Variants in HMGCLL1 observed in about 807,000 individuals in gnomAD.
The protein encoded by HMGCLL1 is 3-hydroxy-3-methylglutaryl-CoA lyase like 1, also known as 3-hydroxymethyl-3-methylglutaryl-CoA lyase, cytoplasmic.
Under a neutral mutation model 39.1 loss-of-function variants are expected in HMGCLL1, and 36 were observed. That is an observed-to-expected ratio of 0.92 (90% CI 0.71 to 1.22). The LOEUF (loss-of-function observed/expected upper bound fraction) is 1.22. Among genes scored for constraint, HMGCLL1 ranks in the 50% most tolerant of loss-of-function variants. The pLI, the probability that HMGCLL1 is intolerant of heterozygous loss-of-function variation, is 0.00. For missense variants in HMGCLL1, 451 were observed against 416.5 expected (o/e 1.08, Z -0.72); for synonymous variants, 149 against 144.0 (o/e 1.03, Z -0.25).
intron 1 of HMGCLL1, among the ~76,000 whole-genome samples, chr6:55,549,077 C>T (rs987355888): frequency 6.6e-6 from 1 of 151,412 alleles, no homozygotes; most frequent in Non-Finnish European, 1.5e-5. Context: ...TTCTTGTATT[C>T]ATGGCAATTT....
the HMGCLL1 span, among the ~76,000 whole-genome samples, chr6:55,634,819 A>T: frequency 6.6e-6 from 1 of 152,088 alleles, no homozygotes; most frequent in South Asian, 2.1e-4. Context: ...TCACTATTTA[A>T]TTGGGCCTTT....
At chr6:55,578,156 A>C (rs1486231367) in intron 1 of HMGCLL1, among the ~76,000 whole-genome samples, 1 of 152,226 alleles carries the variant, frequency 6.6e-6, no homozygotes, top group African/African-American at 2.4e-5. Flanking sequence ...CCTGTAATTT[A>C]ACAAGAAGTC....
At chr6:55,634,566 A>G in the HMGCLL1 span, among the ~76,000 whole-genome samples, 1 of 152,144 alleles carries the variant, frequency 6.6e-6, no homozygotes, top group Admixed American at 6.6e-5. Context: ...TTTCTTCCCA[A>G]CATTCCTGCA....
chr6:55,543,481 T>TATATCATATATC lies in HMGCLL1; in HGVS notation c.109-1342_109-1341insGATATATGATAT, dbSNP rs1561951663. On this transcript the variant is annotated intron_variant, in intron 1 of 8. Coordinates refer to ENST00000274901, the MANE Select transcript of HMGCLL1 (RefSeq NM_001042406.2). Reference sequence around the variant, plus strand: ...TATATCATATATATCATATATAATATATATATGATATATATCATATATATC... The same window carrying TATATCATATATC: ...TATATCATATATATCATATATAATATATATCATATATCATATATGATATATATCATATATATC... Among the ~76,000 whole-genome samples the TATATCATATATC allele has an allele frequency of 2.5e-3, 31 of 12,236 alleles. 2 individuals are homozygous for TATATCATATATC. Among genetic ancestry groups the TATATCATATATC allele is most frequent in the African/African-American group, 6.0e-3 (31 of 5,152 alleles). The allele number at this position is 12,236 out of a possible 152,430, so 8.0% of individuals were successfully genotyped here.
chr6:55,530,072 G>A (rs1768567040), intron 3 of HMGCLL1, among the ~76,000 whole-genome samples: 1 of 90,032 alleles, frequency 1.1e-5, no homozygotes, highest in East Asian at 3.0e-4. Flanking sequence ...CTGGTGGGGG[G>A]TTGGGGGGCG....
At chr6:55,642,358 G>T in the HMGCLL1 span, among the ~76,000 whole-genome samples, 19 of 151,540 alleles carry the variant, frequency 1.3e-4, no homozygotes, top group Non-Finnish European at 2.5e-4. Flanking sequence ...GAATAATGCC[G>T]CACTTAATCA....
intron 7 of HMGCLL1, among the ~76,000 whole-genome samples, chr6:55,453,993 C>T (rs1435342507): frequency 1.3e-5 from 2 of 152,162 alleles, no homozygotes; most frequent in East Asian, 3.9e-4. Context: ...ACATAGAAAA[C>T]TGGCTATTTA....
chr6:55,551,600 C>G (rs775874819), intron 1 of HMGCLL1, among the ~76,000 whole-genome samples: 3 of 151,914 alleles, frequency 2.0e-5, no homozygotes, highest in Non-Finnish European at 2.9e-5. Flanking sequence ...TTATTACCAT[C>G]CTCAAGAATC....
chr6:55,554,278 T>A (rs1770527021), intron 1 of HMGCLL1, among the ~76,000 whole-genome samples: 1 of 152,188 alleles, frequency 6.6e-6, no homozygotes, highest in African/African-American at 2.4e-5. Flanking sequence ...CAAGCTAGGC[T>A]TTAATTTCTT....
the HMGCLL1 span, among the ~76,000 whole-genome samples, chr6:55,600,526 G>C: frequency 6.6e-6 from 1 of 151,928 alleles, no homozygotes; most frequent in Non-Finnish European, 1.5e-5. Flanking sequence ...TCTTATATAT[G>C]GATGCTAGTA....
intron 1 of HMGCLL1, among the ~76,000 whole-genome samples, chr6:55,552,672 C>A (rs974243832): frequency 6.6e-6 from 1 of 151,886 alleles, no homozygotes; most frequent in Non-Finnish European, 1.5e-5. Flanking sequence ...ACTGAGTGGA[C>A]ATTTAATGTG....
At chr6:55,597,854 G>A in the HMGCLL1 span, among the ~76,000 whole-genome samples, 1 of 152,210 alleles carries the variant, frequency 6.6e-6, no homozygotes, top group East Asian at 1.9e-4. Context: ...TATTAGCTTG[G>A]TAAGACAAAG....
chr6:55,476,223 CT>C (rs1765278670), intron 7 of HMGCLL1, among the ~76,000 whole-genome samples: 1 of 151,400 alleles, frequency 6.6e-6, no homozygotes, highest in Admixed American at 6.6e-5. Context: ...TCTCTGTTTA[CT>C]TTTATTTATA....
chr6:55,536,990 A>T (rs1254280179), intron 3 of HMGCLL1, among the ~76,000 whole-genome samples: 5 of 152,214 alleles, frequency 3.3e-5, no homozygotes, highest in Admixed American at 2.0e-4. Flanking sequence ...ATCCACACAC[A>T]TTGTCCTTAA....
At chr6:55,519,381 C>T (rs894259045) in intron 3 of HMGCLL1, among the ~76,000 whole-genome samples, 32 of 152,182 alleles carry the variant, frequency 2.1e-4, no homozygotes, top group African/African-American at 7.7e-4. Context: ...CAGAGGAGCA[C>T]TTTACTCAAA....
At chr6:55,476,083 T>A (rs887635712) in intron 7 of HMGCLL1, among the ~76,000 whole-genome samples, 1 of 151,682 alleles carries the variant, frequency 6.6e-6, no homozygotes, top group African/African-American at 2.4e-5. Flanking sequence ...CATTCTCACA[T>A]CAATTTTAGA....
intron 7 of HMGCLL1, among the ~76,000 whole-genome samples, chr6:55,486,247 A>T (rs2127416943): frequency 6.6e-6 from 1 of 152,082 alleles, no homozygotes; most frequent in South Asian, 2.1e-4. Flanking sequence ...ATATTTAAAA[A>T]ATAATTTTTT....
chr6:55,515,656 T>G (rs1293724997), intron 4 of HMGCLL1, among the ~76,000 whole-genome samples: 2 of 152,130 alleles, frequency 1.3e-5, no homozygotes, highest in African/African-American at 4.8e-5. Context: ...CCTTTCAGTA[T>G]CTTCTTCAAG....
intron 7 of HMGCLL1, among the ~76,000 whole-genome samples, chr6:55,461,820 G>A (rs1315604423): frequency 2.0e-5 from 3 of 152,104 alleles, no homozygotes; most frequent in African/African-American, 7.2e-5. Flanking sequence ...TACTCTGGAT[G>A]TTCCAAAATA....
Sources: gnomAD v4.1 joint callset for allele counts (sites outside exome capture counted in the v4.1 genomes callset) on GRCh38, gnomAD v4.1.1 for gene constraint, MANE v1.5 for transcripts, NCBI Gene and HGNC (gene_info 2026-07-23, HGNC 2026-07-21) for gene names.